The following CCDC171 variants were observed in gnomAD, a reference collection of about 807,000 sequenced individuals.
CCDC171 encodes coiled-coil domain containing 171.
CCDC171 carries 177 observed loss-of-function variants against 168.2 expected under a neutral mutation model. The ratio of observed to expected loss-of-function variants is 1.05; its 90% CI spans 0.93 to 1.19. The LOEUF is 1.19. Among genes scored for constraint, CCDC171 ranks in the 50% most tolerant of loss-of-function variants. The pLI is 0.00. For synonymous variants in CCDC171, 687 were observed against 540.8 expected (o/e 1.27, Z -3.75); for missense variants, 1,991 against 1,539.0 (o/e 1.29, Z -4.91).
intron 8 of CCDC171, among the ~76,000 whole-genome samples, chr9:15,665,049 G>A (rs1351393643): frequency 6.6e-6 from 1 of 152,120 alleles, no homozygotes; most frequent in Non-Finnish European, 1.5e-5. Flanking sequence ...CCATCGCCCA[G>A]CTTCAATACT....
intron 22 of CCDC171, 133 bp downstream of exon 22, chr9:15,846,980 C>G (rs1588827901): frequency 7.4e-6 from 5 of 674,860 alleles, no homozygotes; most frequent in Non-Finnish European, 9.6e-6. Context: ...TTGAAATTCT[C>G]TGATATATCC....
chr9:15,925,769 G>C (rs1825823519), intron 25 of CCDC171, among the ~76,000 whole-genome samples: 1 of 151,576 alleles, frequency 6.6e-6, no homozygotes, highest in South Asian at 2.1e-4. Flanking sequence ...GTTTTGGAAT[G>C]TTAATATCCA....
intron 6 of CCDC171, among the ~76,000 whole-genome samples, chr9:16,028,457 CTACAGTCAGGGT>C (rs1390949868): frequency 2.0e-5 from 3 of 152,144 alleles, no homozygotes. Flanking sequence ...ACAAAAGGAG[CTACAGTCAGGGT>C]TACCAGATGA....
the CCDC171 span, among the ~76,000 whole-genome samples, chr9:16,082,955 T>C: frequency 6.6e-6 from 1 of 152,156 alleles, no homozygotes; most frequent in Admixed American, 6.5e-5. Flanking sequence ...CCATACAAAT[T>C]TTGCTGTGGA....
At chr9:15,655,210 G>C (rs923473653) in intron 7 of CCDC171, among the ~76,000 whole-genome samples, 1 of 151,844 alleles carries the variant, frequency 6.6e-6, no homozygotes, top group African/African-American at 2.4e-5. Context: ...AGGGTAAATG[G>C]TTTAGTAAAT....
intron 8 of CCDC171, among the ~76,000 whole-genome samples, 186 bp from the exon 9 acceptor site, chr9:15,665,977 T>C (rs544270119): frequency 2.8e-4 from 43 of 152,316 alleles, no homozygotes; most frequent in African/African-American, 9.1e-4. Flanking sequence ...CTCTTTCTCC[T>C]TTCATTTAAA....
chr9:15,884,587 A>G (rs796678065), intron 24 of CCDC171, among the ~76,000 whole-genome samples: 76 of 152,288 alleles, frequency 5.0e-4, no homozygotes, highest in African/African-American at 1.6e-3. Flanking sequence ...CTGGGGAAGG[A>G]GTCAGCAAGG....
chr9:15,577,253 G>C (rs1041617875), intron 3 of CCDC171, among the ~76,000 whole-genome samples: 1 of 152,160 alleles, frequency 6.6e-6, no homozygotes, highest in Non-Finnish European at 1.5e-5. Context: ...TTTTCTGACT[G>C]TCTTGAACTG....
chr9:16,020,615 A>G (rs911094621), exon 4 of CCDC171: 2 of 154,360 alleles, frequency 1.3e-5, no homozygotes, highest in Non-Finnish European at 2.9e-5. Context: ...CTTTGGAGCT[A>G]TGATTGAGTA....
At chr9:15,620,235 A>G (rs921557345) in intron 6 of CCDC171, among the ~76,000 whole-genome samples, 1 of 152,210 alleles carries the variant, frequency 6.6e-6, no homozygotes, top group African/African-American at 2.4e-5. Context: ...TGACATAGAT[A>G]GTGACTCCTT....
chr9:15,885,025 G>A (rs942222446), intron 24 of CCDC171, among the ~76,000 whole-genome samples: 1 of 151,986 alleles, frequency 6.6e-6, no homozygotes, highest in Non-Finnish European at 1.5e-5. Context: ...AGACCCAGGT[G>A]GTAAATTCAT....
chr9:15,572,865 A>T (rs190221193), intron 3 of CCDC171, among the ~76,000 whole-genome samples: 4 of 152,288 alleles, frequency 2.6e-5, no homozygotes, highest in Admixed American at 2.6e-4. Flanking sequence ...TATTGAATAA[A>T]TGTATGAAAA....
chr9:15,838,823 G>T (rs1212136640), intron 21 of CCDC171, among the ~76,000 whole-genome samples: 1 of 152,178 alleles, frequency 6.6e-6, no homozygotes, highest in African/African-American at 2.4e-5. Flanking sequence ...TAACTAGGAA[G>T]AGGTAGCTAC....
At chr9:15,911,799 T>C (rs1248127240) in intron 24 of CCDC171, among the ~76,000 whole-genome samples, 1 of 152,216 alleles carries the variant, frequency 6.6e-6, no homozygotes, top group East Asian at 1.9e-4. Context: ...ATTTATTAAA[T>C]AGGGAATCCT....
rs1360435708 is a variant in CCDC171, at chr9:15,608,015, A to T, written c.675+13843A>T. 2.0e-5 allele frequency among the ~76,000 whole-genome samples: 3 copies of T among 152,148 alleles called. No homozygotes were observed. In the East Asian group the frequency reaches 5.8e-4, roughly 29 times the overall value. On this transcript the variant is annotated intron_variant, in intron 6 of 25. Transcript: ENST00000380701. Reference sequence around the variant, plus strand: ...GCATCTGACGATGGCCTTCTTGCTGATGGGAACTCTGCAGAGGTCCAAGGC... The same window carrying T: ...GCATCTGACGATGGCCTTCTTGCTGTTGGGAACTCTGCAGAGGTCCAAGGC...
At chr9:15,811,882 C>G (rs2059372217) in intron 21 of CCDC171, among the ~76,000 whole-genome samples, 1 of 152,114 alleles carries the variant, frequency 6.6e-6, no homozygotes, top group South Asian at 2.1e-4. Context: ...GCTTAGAGAT[C>G]AAGCAGTTTG....
intron 14 of CCDC171, among the ~76,000 whole-genome samples, chr9:15,726,214 C>CT (rs762184504): frequency 2.0e-5 from 3 of 152,150 alleles, no homozygotes; most frequent in Non-Finnish European, 2.9e-5. Flanking sequence ...GTAAAGGAAA[C>CT]TAGAAGCCTG....
chr9:15,913,510 T>G (rs1824027500), intron 24 of CCDC171, among the ~76,000 whole-genome samples: 1 of 152,190 alleles, frequency 6.6e-6, no homozygotes, highest in African/African-American at 2.4e-5. Flanking sequence ...TTGAAGAGTT[T>G]TTTGTGTCTC....
downstream of CCDC171, among the ~76,000 whole-genome samples, chr9:15,978,437 C>G (rs570051433): frequency 9.8e-4 from 145 of 148,640 alleles, no homozygotes; most frequent in Admixed American, 8.7e-3. Flanking sequence ...CAGAAGAGTC[C>G]TGGCACATGG....
Sources: gnomAD v4.1 joint callset for allele counts (sites outside exome capture counted in the v4.1 genomes callset) on GRCh38, gnomAD v4.1.1 for gene constraint, MANE v1.5 for transcripts, NCBI Gene and HGNC (gene_info 2026-07-23, HGNC 2026-07-21) for gene names.